Variants in HCN1 observed in about 807,000 individuals in gnomAD.
HCN1 encodes the protein potassium/sodium hyperpolarization-activated cyclic nucleotide-gated channel 1.
A neutral mutation model predicts 78.9 loss-of-function variants in HCN1; 13 were observed. That is an observed-to-expected ratio of 0.16 (90% confidence interval 0.11 to 0.26). The LOEUF (loss-of-function observed/expected upper bound fraction) is 0.26. Ranked by LOEUF, HCN1 falls within the 10% of genes least tolerant of loss-of-function variation. The pLI is 1.00. For synonymous variants in HCN1, 552 were observed against 455.5 expected (o/e 1.21, Z -2.70); for missense variants, 810 against 1,154.3 (o/e 0.70, Z 4.32).
At chr5:45,309,032 C>T (rs187221363) in intron 5 of HCN1, among the ~76,000 whole-genome samples, 19 of 152,138 alleles carry the variant, frequency 1.2e-4, no homozygotes, top group African/African-American at 4.3e-4. Context: ...TGTATCATCT[C>T]TGATTTCTTT....
chr5:45,591,592 T>G (rs944527775), intron 2 of HCN1, among the ~76,000 whole-genome samples: 1 of 152,204 alleles, frequency 6.6e-6, no homozygotes, highest in Non-Finnish European at 1.5e-5. Context: ...TTTGTTAAGG[T>G]CTTTGGCCCA....
chr5:45,446,581 A>T (rs1008677476), intron 3 of HCN1, among the ~76,000 whole-genome samples: 12 of 152,162 alleles, frequency 7.9e-5, no homozygotes, highest in Admixed American at 2.6e-4. Flanking sequence ...AAGACATATA[A>T]TTGTCAGATT....
chr5:45,400,940 A>G (rs1739785178), intron 3 of HCN1, among the ~76,000 whole-genome samples: 1 of 152,144 alleles, frequency 6.6e-6, no homozygotes, highest in Admixed American at 6.6e-5. Flanking sequence ...TTGTTATCAC[A>G]TATAAAATGC....
At chr5:45,475,113 T>C (rs1741485562) in intron 2 of HCN1, among the ~76,000 whole-genome samples, 1 of 152,004 alleles carries the variant, frequency 6.6e-6, no homozygotes, top group African/African-American at 2.4e-5. Context: ...AATAATGTAA[T>C]AGTGAACTGA....
chr5:45,540,162 G>A (rs550114664), intron 2 of HCN1, among the ~76,000 whole-genome samples: 15 of 151,710 alleles, frequency 9.9e-5, no homozygotes, highest in African/African-American at 3.1e-4. Context: ...TTTAATGCTC[G>A]AGTTTCAACT....
intron 6 of HCN1, among the ~76,000 whole-genome samples, chr5:45,285,867 G>T (rs1414993551): frequency 6.6e-6 from 1 of 151,892 alleles, no homozygotes; most frequent in East Asian, 1.9e-4. Context: ...AATGACCCAG[G>T]ATTTGTTCTG....
chr5:45,320,325 A>AGCTTGGG (rs1306910975), intron 5 of HCN1, among the ~76,000 whole-genome samples: 1 of 151,890 alleles, frequency 6.6e-6, no homozygotes, highest in South Asian at 2.1e-4. Context: ...CCAATTCAGT[A>AGCTTGGG]GCTTGGGTTC....
intron 6 of HCN1, among the ~76,000 whole-genome samples, chr5:45,288,531 C>T (rs971181932): frequency 6.6e-6 from 1 of 152,022 alleles, no homozygotes; most frequent in African/African-American, 2.4e-5. Flanking sequence ...GGGTGTTACA[C>T]ATGTTAGGTC....
At chr5:45,400,306 T>C (rs574142118) in intron 3 of HCN1, among the ~76,000 whole-genome samples, 5 of 152,172 alleles carry the variant, frequency 3.3e-5, no homozygotes, top group African/African-American at 1.2e-4. Context: ...CAGCTATGTC[T>C]ATTCTCATTT....
intron 3 of HCN1, among the ~76,000 whole-genome samples, chr5:45,451,788 A>C (rs776875566): frequency 1.8e-4 from 27 of 152,032 alleles, no homozygotes; most frequent in Admixed American, 5.2e-4. Flanking sequence ...GGTCAAATTC[A>C]ATTATATCCA....
intron 4 of HCN1, among the ~76,000 whole-genome samples, chr5:45,385,169 A>G (rs1747886993): frequency 6.6e-6 from 1 of 152,072 alleles, no homozygotes; most frequent in South Asian, 2.1e-4. Context: ...TGTTGTGTGA[A>G]TTTAGCTTCC....
At chr5:45,283,765 A>T (rs1307358647) in intron 6 of HCN1, among the ~76,000 whole-genome samples, 1 of 152,188 alleles carries the variant, frequency 6.6e-6, no homozygotes, top group Non-Finnish European at 1.5e-5. Context: ...CAGAACTACC[A>T]TTGGAACCAG....
intron 2 of HCN1, among the ~76,000 whole-genome samples, chr5:45,597,352 T>C (rs1202546616): frequency 2.0e-5 from 3 of 152,282 alleles, no homozygotes; most frequent in African/African-American, 4.8e-5. Flanking sequence ...GAAAAGGCCT[T>C]TGACAAAATT....
At chr5:45,421,734 G>T (rs970845286) in intron 3 of HCN1, among the ~76,000 whole-genome samples, 2 of 152,148 alleles carry the variant, frequency 1.3e-5, no homozygotes, top group African/African-American at 4.8e-5. Context: ...ATGGACTGAT[G>T]TCTTAAACAA....
At chr5:45,583,952 T>C (rs1744142881) in intron 2 of HCN1, among the ~76,000 whole-genome samples, 1 of 152,206 alleles carries the variant, frequency 6.6e-6, no homozygotes, top group African/African-American at 2.4e-5. Flanking sequence ...CTTCCAACTA[T>C]GTGGTCAATT....
At chr5:45,614,824 C>T (rs1466815552) in intron 2 of HCN1, among the ~76,000 whole-genome samples, 1 of 151,904 alleles carries the variant, frequency 6.6e-6, no homozygotes, top group South Asian at 2.1e-4. Flanking sequence ...TCTGTTACCC[C>T]ACTTCCATAT....
At chr5:45,302,403 T>C (rs1745644798) in intron 6 of HCN1, among the ~76,000 whole-genome samples, 1 of 151,990 alleles carries the variant, frequency 6.6e-6, no homozygotes, top group African/African-American at 2.4e-5. Flanking sequence ...GATAATTAAG[T>C]CTCTATTCTT....
At chr5:45,657,913 A>ATTT (rs1745807815) in intron 1 of HCN1, among the ~76,000 whole-genome samples, 1 of 152,224 alleles carries the variant, frequency 6.6e-6, no homozygotes, top group East Asian at 1.9e-4. Context: ...ATGGAACCAA[A>ATTT]AAAGAGCCTG....
chr5:45,367,048 G>C (rs1485003737), intron 4 of HCN1, among the ~76,000 whole-genome samples: 2 of 151,736 alleles, frequency 1.3e-5, no homozygotes, highest in Admixed American at 1.3e-4. Flanking sequence ...AATGGGGGAA[G>C]TGACAAAATA....
Sources: allele counts gnomAD v4.1 joint callset (sites outside exome capture counted in the v4.1 genomes callset), GRCh38; gene constraint gnomAD v4.1.1; transcripts MANE v1.5; gene names NCBI Gene and HGNC (gene_info 2026-07-23, HGNC 2026-07-21).